Variants in CORO2B observed in about 807,000 individuals in gnomAD.
The protein encoded by CORO2B is coronin-2B.
CORO2B carries 26 observed loss-of-function variants against 58.8 expected under a neutral mutation model. That is an observed-to-expected ratio of 0.44 (90% CI 0.32 to 0.61). The LOEUF (loss-of-function observed/expected upper bound fraction) is 0.61, where lower values mean the gene tolerates loss of function less well. CORO2B is among the 20% of genes least tolerant of loss of function. CORO2B has a pLI of 0.04. For synonymous variants in CORO2B, 242 were observed against 253.8 expected (o/e 0.95, Z 0.44); for missense variants, 460 against 645.1 (o/e 0.71, Z 3.11).
At chr15:68,550,914 G>A in the CORO2B span, among the ~76,000 whole-genome samples, 4 of 152,186 alleles carry the variant, frequency 2.6e-5, no homozygotes, top group Non-Finnish European at 5.9e-5. Context: ...CCCAGAGGGG[G>A]ACACCTGAGC....
chr15:68,594,227 C>G (rs1394297632), intron 1 of CORO2B, among the ~76,000 whole-genome samples: 1 of 152,204 alleles, frequency 6.6e-6, no homozygotes, highest in African/African-American at 2.4e-5. Context: ...CCCTCTTCCC[C>G]ATAGGTGGTG....
At chr15:68,538,146 T>C in the CORO2B span, among the ~76,000 whole-genome samples, 2 of 152,202 alleles carry the variant, frequency 1.3e-5, no homozygotes, top group Admixed American at 1.3e-4. Context: ...TCACTATCCA[T>C]TGGGTAACAG....
chr15:68,602,701 T>TG (rs35040509), intron 1 of CORO2B, among the ~76,000 whole-genome samples: 12,228 of 152,202 alleles, frequency 0.08, 690 homozygotes, highest in Non-Finnish European at 0.12. Context: ...GGATGATAGA[T>TG]GTGAGGTGTG....
chr15:68,546,240 C>T, the CORO2B span, among the ~76,000 whole-genome samples: 66 of 152,168 alleles, frequency 4.3e-4, no homozygotes, highest in Non-Finnish European at 8.8e-4. Context: ...AGAAGTTCAT[C>T]TCAGGGATAT....
intron 2 of CORO2B, among the ~76,000 whole-genome samples, chr15:68,653,752 A>G (rs1411778362): frequency 7.4e-6 from 1 of 135,036 alleles, no homozygotes; most frequent in Non-Finnish European, 1.6e-5. Flanking sequence ...GTAATAAAAT[A>G]ATATTTTGTT....
chr15:68,606,831 G>C (rs1900136015), intron 1 of CORO2B, among the ~76,000 whole-genome samples: 1 of 152,132 alleles, frequency 6.6e-6, no homozygotes, highest in East Asian at 1.9e-4. Flanking sequence ...GAGCATGGAG[G>C]GGTGGACATG....
At chr15:68,697,555 C>A (rs1892544279) in intron 3 of CORO2B, among the ~76,000 whole-genome samples, 1 of 152,102 alleles carries the variant, frequency 6.6e-6, no homozygotes, top group Non-Finnish European at 1.5e-5. Flanking sequence ...ACTTGACCAG[C>A]CCATAGTCCA....
At chr15:68,641,560 C>G in intron 1 of CORO2B, 1 of 985,316 alleles carries the variant, frequency 1.0e-6, no homozygotes, top group Non-Finnish European at 1.2e-6. Context: ...AAACTGCGGG[C>G]CGCTGAGCGC....
chr15:68,715,344 G>A, intron 8 of CORO2B, 33 bp downstream of exon 8: 1 of 1,495,088 alleles, frequency 6.7e-7, no homozygotes, highest in East Asian at 2.3e-5. Flanking sequence ...CAGCTGGTGT[G>A]CTCATGGCAC....
At chr15:68,601,484 G>A (rs1899981139) in intron 1 of CORO2B, among the ~76,000 whole-genome samples, 1 of 152,240 alleles carries the variant, frequency 6.6e-6, no homozygotes, top group Admixed American at 6.5e-5. Flanking sequence ...GTGGTGTGAG[G>A]TGGGGATTGC....
intron 2 of CORO2B, among the ~76,000 whole-genome samples, chr15:68,686,636 C>T (rs1157669699): frequency 2.6e-5 from 4 of 152,130 alleles, no homozygotes; most frequent in Admixed American, 1.3e-4. Context: ...CAGTGGCTCA[C>T]GCCTGTAATC....
chr15:68,617,797 C>T (rs1231099045), intron 1 of CORO2B, among the ~76,000 whole-genome samples: 1 of 152,060 alleles, frequency 6.6e-6, no homozygotes, highest in East Asian at 1.9e-4. Flanking sequence ...ACTTGAAATC[C>T]CCAGTGGGTG....
intron 2 of CORO2B, among the ~76,000 whole-genome samples, chr15:68,668,575 A>G (rs1330239356): frequency 6.6e-6 from 1 of 152,160 alleles, no homozygotes; most frequent in Non-Finnish European, 1.5e-5. Flanking sequence ...TGCCCTAGAA[A>G]GAGAGAATAG....
At chr15:68,576,051 G>C (rs886105129), upstream of CORO2B, among the ~76,000 whole-genome samples, 9 of 151,062 alleles carry the variant, frequency 6.0e-5, no homozygotes, top group Non-Finnish European at 1.0e-4. Context: ...TACTCAGGAG[G>C]TGGAGGTGGG....
At chr15:68,654,424 T>C (rs1321245645) in intron 2 of CORO2B, among the ~76,000 whole-genome samples, 1 of 152,184 alleles carries the variant, frequency 6.6e-6, no homozygotes, top group Non-Finnish European at 1.5e-5. Context: ...CTGGAAATTA[T>C]AGTAGCTGGT....
intron 2 of CORO2B, among the ~76,000 whole-genome samples, chr15:68,689,086 G>A (rs570648467): frequency 1.3e-5 from 2 of 148,260 alleles, no homozygotes; most frequent in African/African-American, 4.9e-5. Flanking sequence ...CAACAGCTGC[G>A]ATTCAACATT....
rs1041689467 is a variant in CORO2B at position 68,725,787 on chromosome 15, T to C, written c.1312-56T>C. On this transcript the variant is annotated intron_variant, in intron 11 of 11. Transcript: ENST00000261861. ...GCTGGAGACTCACCTGGGAAATCCT[T>C]GTCTCACCTGCTCTCTCCTGGGCCC... is the stretch of plus-strand genomic sequence containing the variant. 6.2e-6 allele frequency: 10 copies of C among 1,600,956 alleles called. 1 individual carries two copies. The highest frequency in any genetic ancestry group is 4.4e-5 in the South Asian group (4 of 90,362).
intron 11 of CORO2B, among the ~76,000 whole-genome samples, chr15:68,725,229 C>T (rs1893264059): frequency 6.6e-6 from 1 of 151,998 alleles, no homozygotes; most frequent in Admixed American, 6.6e-5. Flanking sequence ...ATTATCCAGG[C>T]ATGGTGGCAC....
chr15:68,698,117 C>T (rs1183562800), intron 3 of CORO2B, among the ~76,000 whole-genome samples: 1 of 152,178 alleles, frequency 6.6e-6, no homozygotes, highest in Non-Finnish European at 1.5e-5. Context: ...GCACTGCCAC[C>T]CCCAAACTGA....
Sources: allele counts gnomAD v4.1 joint callset (sites outside exome capture counted in the v4.1 genomes callset), GRCh38; gene constraint gnomAD v4.1.1; transcripts MANE v1.5; gene names NCBI Gene and HGNC (gene_info 2026-07-23, HGNC 2026-07-21).